The following CACNA1C variants were observed in gnomAD, a reference collection of about 807,000 sequenced individuals.
CACNA1C encodes the protein calcium voltage-gated channel subunit alpha1 C.
CACNA1C carries 30 observed loss-of-function variants against 229.0 expected under a neutral mutation model. The observed-to-expected ratio is 0.13, with a 90% CI of 0.10 to 0.18. CACNA1C has a LOEUF of 0.18. Among genes scored for constraint, CACNA1C ranks in the 10% least tolerant of loss-of-function variants. CACNA1C has a pLI of 1.00. For missense variants in CACNA1C, 1,658 were observed against 2,845.0 expected (o/e 0.58, Z 9.49); for synonymous variants, 1,114 against 1,132.5 (o/e 0.98, Z 0.33).
intron 1 of CACNA1C, among the ~76,000 whole-genome samples, chr12:1,990,183 A>C (rs896038277): frequency 1.6e-4 from 24 of 152,236 alleles, no homozygotes; most frequent in Non-Finnish European, 3.2e-4. Flanking sequence ...CTCATTTATA[A>C]AACAGGAATA....
rs1158026953 is a variant in CACNA1C at position 2,181,295 on chromosome 12, G to A, written c.477+60865G>A. Among the ~76,000 whole-genome samples, 3 of 152,164 alleles carry A rather than the reference G, an allele frequency of 2.0e-5. No homozygotes were observed. Among genetic ancestry groups the A allele is most frequent in the Admixed American group, 6.5e-5 (1 of 15,278 alleles). ...GTCCTTTCACAGAGGCAGTTCCTGA[G>A]TCTCTAGTCTTGGGGCTCATGCTTG... On this transcript the variant is annotated intron_variant, in intron 3 of 46. Coordinates refer to ENST00000399655, the MANE Select transcript of CACNA1C (RefSeq NM_000719.7). This position sits in a 1 kb window ranked among gnomAD's most constrained non-coding sequence, Gnocchi z 4.0.
chr12:2,013,546 GA>G, intron 1 of CACNA1C, among the ~76,000 whole-genome samples: 1 of 152,238 alleles, frequency 6.6e-6, no homozygotes, highest in East Asian at 1.9e-4. Flanking sequence ...TTATTTCTGT[GA>G]TGTCCTTGGG....
chr12:2,634,275 C>G (rs1428775405), intron 29 of CACNA1C, 22 bp from the exon 30 acceptor site: 1 of 1,374,912 alleles, frequency 7.3e-7, no homozygotes, highest in Admixed American at 2.2e-5. Context: ...CTCTCTCTCC[C>G]CGGCTGCTCT....
intron 9 of CACNA1C, among the ~76,000 whole-genome samples, chr12:2,544,229 C>A (rs1013483425): frequency 2.0e-4 from 31 of 152,030 alleles, no homozygotes; most frequent in African/African-American, 7.5e-4. Context: ...AGACACAGAT[C>A]TTCAGGTTAA....
At chr12:2,058,551 A>G (rs1387953571) in intron 1 of CACNA1C, among the ~76,000 whole-genome samples, 1 of 152,236 alleles carries the variant, frequency 6.6e-6, no homozygotes, top group Non-Finnish European at 1.5e-5. Flanking sequence ...GGCATGGGGA[A>G]TTGTTTTGCA....
intron 3 of CACNA1C, among the ~76,000 whole-genome samples, chr12:2,171,645 G>A (rs2096486188): frequency 6.6e-6 from 1 of 152,146 alleles, no homozygotes; most frequent in Admixed American, 6.5e-5. Flanking sequence ...ATCAGGAGTT[G>A]TAAATGCTGG....
Position 2,294,942 on chromosome 12 carries a change from C to T in CACNA1C, c.478-154034C>T, listed in dbSNP as rs573344396. Among the ~76,000 whole-genome samples the T allele has an allele frequency of 3.3e-5, 5 of 152,242 alleles. No homozygotes were observed. The East Asian group carries it at 5.8e-4, about 18-fold the overall frequency. ...CCGTGGTCAGTGAAGCAATGCTGTG[C>T]GCACAGTTCTGTGTTGTGCCTCTCC... On this transcript the variant is annotated intron_variant, in intron 3 of 46. Transcript: ENST00000399655.
intron 1 of CACNA1C, among the ~76,000 whole-genome samples, chr12:2,013,801 G>T (rs531739822): frequency 6.6e-6 from 1 of 152,316 alleles, no homozygotes; most frequent in East Asian, 1.9e-4. Context: ...AGGAGATAAT[G>T]TTATAACATT....
chr12:2,291,208 AG>A (rs1194578623), intron 3 of CACNA1C, among the ~76,000 whole-genome samples: 1 of 152,248 alleles, frequency 6.6e-6, no homozygotes, highest in East Asian at 1.9e-4. Flanking sequence ...AAACAATAAA[AG>A]GTCCTTCCTT....
At chr12:2,191,987 C>T (rs993232897) in intron 3 of CACNA1C, among the ~76,000 whole-genome samples, 5 of 151,940 alleles carry the variant, frequency 3.3e-5, no homozygotes, top group East Asian at 1.9e-4. Flanking sequence ...TGTACACGCA[C>T]GCACACATGT....
At chr12:2,614,767 C>T (rs1318476225) in intron 29 of CACNA1C, 1 of 152,180 alleles carries the variant, frequency 6.6e-6, no homozygotes, top group Non-Finnish European at 1.5e-5. Flanking sequence ...GCTTATGTTT[C>T]GTCTCTGCAA....
At chr12:2,147,658 G>C (rs2094845151) in intron 3 of CACNA1C, among the ~76,000 whole-genome samples, 1 of 151,010 alleles carries the variant, frequency 6.6e-6, no homozygotes, top group South Asian at 2.1e-4. Context: ...ATGTGAAGAA[G>C]TATATATCTG....
chr12:2,094,359 C>T (rs2072842180), intron 1 of CACNA1C, among the ~76,000 whole-genome samples: 4 of 152,188 alleles, frequency 2.6e-5, no homozygotes, highest in South Asian at 2.1e-4. Flanking sequence ...CAGCGGAGCA[C>T]CCCCAGTAAG....
At chr12:2,165,159 G>C (rs2096145517) in intron 3 of CACNA1C, among the ~76,000 whole-genome samples, 1 of 152,190 alleles carries the variant, frequency 6.6e-6, no homozygotes, top group Non-Finnish European at 1.5e-5. Flanking sequence ...TAGAGTCTTA[G>C]GTTTCTGGTG....
chr12:2,063,938 G>C (rs1483790623), intron 1 of CACNA1C, among the ~76,000 whole-genome samples: 1 of 152,142 alleles, frequency 6.6e-6, no homozygotes, highest in African/African-American at 2.4e-5. Flanking sequence ...TGACTTTTTA[G>C]CTTTAAGAGC....
At chr12:2,052,899 G>C, upstream of CACNA1C, 1 of 779,586 alleles carries the variant, frequency 1.3e-6, no homozygotes, top group Non-Finnish European at 1.5e-6. Context: ...CGCGCCGGGC[G>C]GGCGGGCGGG....
At chr12:2,293,633 C>A (rs761403602) in intron 3 of CACNA1C, among the ~76,000 whole-genome samples, 12 of 152,336 alleles carry the variant, frequency 7.9e-5, no homozygotes, top group Non-Finnish European at 1.2e-4. Flanking sequence ...CAAGACAATT[C>A]TTCTCCTTCC....
chr12:2,625,298 G>A (rs920183263), intron 29 of CACNA1C, among the ~76,000 whole-genome samples: 12 of 152,198 alleles, frequency 7.9e-5, no homozygotes, highest in African/African-American at 2.4e-4. Context: ...TTATTCACAC[G>A]GTGTAAAAAA....
chr12:2,194,005 G>T (rs1212306589), intron 3 of CACNA1C, among the ~76,000 whole-genome samples: 1 of 151,994 alleles, frequency 6.6e-6, no homozygotes, highest in African/African-American at 2.4e-5. Flanking sequence ...GTTTATTCCT[G>T]ACCCAGGATA....
Sources: allele counts gnomAD v4.1 joint callset (sites outside exome capture counted in the v4.1 genomes callset), GRCh38; gene constraint gnomAD v4.1.1; non-coding constraint Gnocchi (gnomAD v3.1); transcripts MANE v1.5; gene names NCBI Gene and HGNC (gene_info 2026-07-23, HGNC 2026-07-21).